The following IPPK variants were observed in gnomAD, a reference collection of about 807,000 sequenced individuals.
IPPK encodes the protein inositol-pentakisphosphate 2-kinase.
IPPK carries 22 observed loss-of-function variants against 64.6 expected under a neutral mutation model. The ratio of observed to expected loss-of-function variants is 0.34; its 90% confidence interval spans 0.24 to 0.49. The LOEUF (loss-of-function observed/expected upper bound fraction) is 0.49, where lower values mean the gene tolerates loss of function less well. Ranked by LOEUF, IPPK falls within the 20% of genes least tolerant of loss-of-function variation. The pLI, the probability that IPPK is intolerant of heterozygous loss-of-function variation, is 0.99. For missense variants in IPPK, 532 were observed against 630.7 expected, an observed-to-expected ratio of 0.84 and a Z score of 1.68; for synonymous variants, 262 against 247.2, an observed-to-expected ratio of 1.06 and a Z score of -0.56.
chr9:92,656,316 C>T (rs1413455231), intron 3 of IPPK, 140 bp downstream of exon 3: 2 of 641,480 alleles, frequency 3.1e-6, no homozygotes, highest in East Asian at 5.7e-5. Context: ...TGCTGCCACC[C>T]AGCACAGCAA....
At chr9:92,669,761 G>A (rs1852687086) in intron 1 of IPPK, 147 bp downstream of exon 1, 1 of 619,584 alleles carries the variant, frequency 1.6e-6, no homozygotes, top group Non-Finnish European at 2.9e-6. Context: ...ATGCTGGAGG[G>A]TGGGGGAATT....
chr9:92,626,341 G>T (rs1272737801), intron 11 of IPPK, among the ~76,000 whole-genome samples: 2 of 152,180 alleles, frequency 1.3e-5, no homozygotes, highest in East Asian at 1.9e-4. Context: ...AGCTTGCAGT[G>T]AGCCAAGATC....
rs768834437 is a variant in IPPK, at chr9:92,616,038, C to T, written c.1270G>A (p.Val424Ile). Residue 424 changes from valine (V) to isoleucine (I), a missense_variant, in exon 13 of 13, where the codon GTC becomes ATC. Physicochemically the swap from Val to Ile is conservative, Grantham distance 29. Coordinates refer to ENST00000287996, the MANE Select transcript of IPPK (RefSeq NM_022755.6). ...QDASSDQRPV[V>I]PSSRSRFAFS... ...GCAAACCTGGACCTCGATGAAGGGA[C>T]GACAGGCCTTTGATCAGAGCTGCAA... 29 of 1,613,776 alleles carry T rather than the reference C, an allele frequency of 1.8e-5. No homozygotes were observed. Among genetic ancestry groups the T allele is most frequent in the Middle Eastern group, 1.6e-4 (1 of 6,084 alleles).
In IPPK at chr9:92,670,120, G is replaced by T; in HGVS notation, c.-132C>A. 1 of 580,150 alleles carries T rather than the reference G, an allele frequency of 1.7e-6. No individual in the cohort carries two copies. The highest frequency in any genetic ancestry group is 2.8e-6 in the Non-Finnish European group (1 of 351,948). 35.9% of individuals were successfully genotyped at this position (580,150 alleles called of 1,614,324 possible). A position where few individuals can be genotyped will look rare whatever the true frequency, so the allele number is the denominator to read the frequency against. On this transcript the variant is annotated 5_prime_UTR_variant, in exon 1 of 13. Transcript: ENST00000287996. The stretch of plus-strand genomic sequence containing the variant: ...TCAGCTGCCGCCCCCGCTCGACCCC[G>T]CCGCGGCGACTAGCAAGCTGTGGCC...
At chr9:92,666,221 G>C (rs1852592724) in intron 1 of IPPK, among the ~76,000 whole-genome samples, 2 of 152,068 alleles carry the variant, frequency 1.3e-5, no homozygotes, top group African/African-American at 4.8e-5. Flanking sequence ...GGCTGAGGTG[G>C]TCCGGAAGGG....
chr9:92,627,883 A>G (rs1286572378), intron 11 of IPPK, among the ~76,000 whole-genome samples: 1 of 152,236 alleles, frequency 6.6e-6, no homozygotes, highest in Non-Finnish European at 1.5e-5. Flanking sequence ...AAGGCATCCA[A>G]ATTGGAAACG....
chr9:92,629,248 C>T (rs557755226), intron 11 of IPPK, among the ~76,000 whole-genome samples: 1 of 152,258 alleles, frequency 6.6e-6, no homozygotes, highest in East Asian at 1.9e-4. Flanking sequence ...GCAATGAATT[C>T]TTAGATATGA....
chr9:92,615,886 C>T lies in IPPK; in HGVS notation c.1422G>A (p.Met474Ile). The change falls in exon 13 of 13, where the codon ATG becomes ATA. Residue 474 changes from methionine (M) to isoleucine (I), a missense_variant. Coordinates refer to ENST00000287996, the MANE Select transcript of IPPK (RefSeq NM_022755.6). Reference protein sequence around the residue: ...KTVRAKDNAVMSTRFKESEDC... With the variant: ...KTVRAKDNAVISTRFKESEDC... The stretch of plus-strand genomic sequence containing the variant: ...CTTCGCTTTCCTTGAACCGAGTCGA[C>T]ATCACGGCGTTGTCTTTGGCACGTA... 6.2e-7 allele frequency: 1 copy of T among 1,614,230 alleles called. No individual in the cohort carries two copies. Among genetic ancestry groups the T allele is most frequent in the Non-Finnish European group, 8.5e-7 (1 of 1,180,042 alleles).
At chr9:92,630,879 A>C (rs369596395) in intron 11 of IPPK, among the ~76,000 whole-genome samples, 4 of 152,298 alleles carry the variant, frequency 2.6e-5, no homozygotes, top group South Asian at 4.1e-4. Context: ...AGAGCAAAAA[A>C]TGACATAAAA....
rs771043033 is a variant in IPPK at position 92,635,291 on chromosome 9, G to A, written c.934C>T (p.Arg312Cys). 66 of 1,609,820 alleles carry A rather than the reference G, an allele frequency of 4.1e-5. No individual in the cohort carries two copies. The highest frequency in any genetic ancestry group is 6.6e-5 in the South Asian group (6 of 90,868). ...AGACAGCCCTTCGGTAACCCCGAGCGCTCTGGGGTGTTTTTTCCTACCGAG... is the reference window on the plus strand; with the variant it reads ...AGACAGCCCTTCGGTAACCCCGAGCACTCTGGGGTGTTTTTTCCTACCGAG... Reference protein sequence around the residue: ...LRCQGKNTPERSGLPKGCLLY... With the variant: ...LRCQGKNTPECSGLPKGCLLY... Residue 312 changes from arginine to cysteine, a missense_variant, in exon 10 of 13, where the codon CGC (arginine) becomes TGC (cysteine). By Grantham distance (180) the Arg-to-Cys change is radical. Transcript: ENST00000287996. The surrounding 1 kb of genome is among the most constrained non-coding windows in gnomAD (Gnocchi z 4.4).
At chr9:92,651,054 C>T (rs1034824853) in intron 4 of IPPK, among the ~76,000 whole-genome samples, 2 of 152,074 alleles carry the variant, frequency 1.3e-5, no homozygotes, top group African/African-American at 2.4e-5. Flanking sequence ...ACCCTGGAGC[C>T]GGGCTCAGAC....
intron 1 of IPPK, among the ~76,000 whole-genome samples, chr9:92,669,432 G>A (rs1476552029): frequency 1.3e-5 from 2 of 152,220 alleles, no homozygotes; most frequent in Admixed American, 6.5e-5. Flanking sequence ...TCACGAGGCT[G>A]AACTCTTTTG....
intron 6 of IPPK, among the ~76,000 whole-genome samples, chr9:92,644,966 TTCAA>T (rs1332481648): frequency 6.6e-6 from 1 of 152,120 alleles, no homozygotes; most frequent in Non-Finnish European, 1.5e-5. Context: ...AGACAAAGAC[TTCAA>T]TCAACTATTT....
chr9:92,663,487 G>A (rs1199474520), intron 1 of IPPK, among the ~76,000 whole-genome samples: 2 of 152,238 alleles, frequency 1.3e-5, no homozygotes, highest in Admixed American at 1.3e-4. Flanking sequence ...AGAAGAAAGT[G>A]CACCAAAGTG....
chr9:92,657,063 A>C (rs890636473), intron 2 of IPPK, among the ~76,000 whole-genome samples: 1 of 152,072 alleles, frequency 6.6e-6, no homozygotes, highest in Non-Finnish European at 1.5e-5. Flanking sequence ...GACAAAAAAA[A>C]CCCTGGCCAG....
rs935723637 is a variant in IPPK, at chr9:92,638,062, G to A, written c.855C>T (p.Leu285=). 1.1e-5 allele frequency: 18 copies of A among 1,607,428 alleles called. No homozygotes were observed. Among genetic ancestry groups the A allele is most frequent in the East Asian group, 2.2e-5 (1 of 44,496 alleles). ...CGCAGACTCGCGGGCCCTGAGGCCCGAGCCCCGGACTCAGGGTGCCTGCCC... is the reference window on the plus strand; with the variant it reads ...CGCAGACTCGCGGGCCCTGAGGCCCAAGCCCCGGACTCAGGGTGCCTGCCC... ...KGRAGTLSPG[L]GPQGPRVCEA... Residue 285 remains leucine, a synonymous_variant, in exon 9 of 13, where the codon CTC becomes CTT. Coordinates refer to ENST00000287996, the MANE Select transcript of IPPK (RefSeq NM_022755.6).
intron 12 of IPPK, chr9:92,617,459 A>G (rs1588327863): frequency 6.5e-6 from 1 of 152,782 alleles, no homozygotes; most frequent in Non-Finnish European, 1.5e-5. Context: ...AATGGCAGTG[A>G]CCAGCGGGCA....
rs1249917596 is a variant in IPPK, at chr9:92,614,868, C to G, written c.*964G>C. On this transcript the variant is annotated 3_prime_UTR_variant, in exon 13 of 13. Transcript: ENST00000287996. Reference sequence around the variant, plus strand: ...CCAGGAGCTGTTCACCTTCCAGAAGCAGGGCCTGTGGCAGCCTAACAGGGA... The same window carrying G: ...CCAGGAGCTGTTCACCTTCCAGAAGGAGGGCCTGTGGCAGCCTAACAGGGA... The G allele has an allele frequency of 6.6e-6, 1 of 152,590 alleles. No individual in the cohort carries two copies. Among genetic ancestry groups the G allele is most frequent in the Non-Finnish European group, 1.5e-5 (1 of 68,040 alleles). The allele number at this position is 152,590 out of a possible 1,614,324, so 9.5% of individuals were successfully genotyped here.
intron 7 of IPPK, among the ~76,000 whole-genome samples, chr9:92,642,187 G>A (rs1384815372): frequency 2.6e-5 from 4 of 152,198 alleles, no homozygotes; most frequent in Non-Finnish European, 2.9e-5. Context: ...AGCCACTACC[G>A]CCTTCCTGAC....
Sources: allele counts gnomAD v4.1 joint callset (sites outside exome capture counted in the v4.1 genomes callset), GRCh38; gene constraint gnomAD v4.1.1; non-coding constraint Gnocchi (gnomAD v3.1); transcripts MANE v1.5; gene names NCBI Gene and HGNC (gene_info 2026-07-23, HGNC 2026-07-21).